MIA2: variants seen among roughly 807,000 people sequenced by gnomAD.
The protein encoded by MIA2 is melanoma inhibitory activity protein 2.
MIA2 carries 127 observed loss-of-function variants against 167.8 expected under a neutral mutation model. That is an observed-to-expected ratio of 0.76 (90% CI 0.66 to 0.88). The LOEUF (loss-of-function observed/expected upper bound fraction) is 0.88, where lower values mean the gene tolerates loss of function less well. Among genes scored for constraint, MIA2 ranks in the 40% least tolerant of loss-of-function variants. The pLI is 0.00. For missense variants in MIA2, 1,690 were observed against 1,624.7 expected (o/e 1.04, Z -0.69); for synonymous variants, 552 against 541.9 (o/e 1.02, Z -0.26).
rs2058062848 is a variant in MIA2, at chr14:39,276,776, T to C, written c.1888-158T>C. 5 of 665,098 alleles carry C rather than the reference T, an allele frequency of 7.5e-6. No individual in the cohort carries two copies. In the Admixed American group the frequency reaches 1.5e-4, roughly 20 times the overall value. The allele number at this position is 665,098 out of a possible 1,614,324, so 41.2% of individuals were successfully genotyped here. ...ACTGCTGTTCTTTACTTGGCGATAG[T>C]GATTGAAAGTTGACAAAAAAATGTA... On this transcript the variant is annotated intron_variant, in intron 6 of 28. Transcript: ENST00000640607.
intron 6 of MIA2, chr14:39,267,138 C>T: frequency 8.7e-7 from 1 of 1,152,994 alleles, no homozygotes; most frequent in Non-Finnish European, 1.1e-6. Context: ...TCCCCGCCTT[C>T]TCGCGGCTGC....
chr14:39,267,228 G>C, intron 6 of MIA2: 1 of 1,360,208 alleles, frequency 7.4e-7, no homozygotes, highest in East Asian at 3.0e-5. Context: ...TCGGACCTGC[G>C]CTGCCTCGGG....
intron 7 of MIA2, among the ~76,000 whole-genome samples, chr14:39,278,040 C>T (rs1226485783): frequency 6.6e-6 from 1 of 151,780 alleles, no homozygotes; most frequent in East Asian, 1.9e-4. Context: ...GTGGCATGAT[C>T]TCGGCTCACT....
At chr14:39,308,670 A>T in intron 18 of MIA2, 83 bp downstream of exon 18, 1 of 1,104,136 alleles carries the variant, frequency 9.1e-7, no homozygotes, top group Admixed American at 2.9e-5. Flanking sequence ...TATAGTGATT[A>T]TTGAAAGTTC....
In MIA2 at chr14:39,299,918, A is replaced by G. The variant is rs34761053; in HGVS notation, c.2551A>G (p.Lys851Glu). 1.2e-6 allele frequency: 2 copies of G among 1,609,712 alleles called. No homozygotes were observed. Among genetic ancestry groups the G allele is most frequent in the South Asian group, 2.2e-5 (2 of 89,944 alleles). Residue 851 changes from lysine (K) to glutamate (E), a missense_variant, in exon 14 of 29, where the codon AAA becomes GAA. Lys to Glu is a moderately conservative substitution (Grantham distance 56). Transcript: ENST00000640607. The part of the protein sequence containing the change: ...KEQVSELNKQ[K>E]VTFEDSKVHA... ...ACAAGTGAGTGAACTTAATAAACAG[A>G]AAGTAACATTTGAAGACTCCAAAGT...
intron 6 of MIA2, chr14:39,267,362 AT>A (rs1443043072): frequency 1.3e-6 from 2 of 1,585,828 alleles, no homozygotes; most frequent in Non-Finnish European, 1.7e-6. Context: ...CCGGGTGCGG[AT>A]TCGGGTTCCG....
Position 39,308,494 on chromosome 14 carries a change from A to G in MIA2, c.2924A>G (p.Glu975Gly). Residue 975 changes from glutamate to glycine, a missense_variant, in exon 18 of 29, where the codon GAA becomes GGA. By Grantham distance (98) the Glu-to-Gly change is moderately conservative. Coordinates refer to ENST00000640607, the MANE Select transcript of MIA2 (RefSeq NM_001329214.4). The part of the protein sequence containing the change: ...LQTEQASLQS[E>G]NTHFENENQK... ...ACTGAACAAGCATCTTTGCAGTCAG[A>G]AAACACACATTTTGAAAATGAGAAT... 6.4e-7 allele frequency: 1 copy of G among 1,573,564 alleles called. No individual in the cohort carries two copies.
At chr14:39,332,813 CGCCT>C (rs1292090767) in intron 25 of MIA2, among the ~76,000 whole-genome samples, 1 of 152,078 alleles carries the variant, frequency 6.6e-6, no homozygotes, top group Admixed American at 6.6e-5. Flanking sequence ...AGACATCACC[CGCCT>C]TCTGCTTTGG....
At chr14:39,321,192 T>C in intron 24 of MIA2, 136 bp downstream of exon 24, 1 of 799,024 alleles carries the variant, frequency 1.3e-6, no homozygotes, top group African/African-American at 1.8e-5. Flanking sequence ...ATAACTTTTA[T>C]TTGGAAAAGG....
In MIA2 at chr14:39,386,242, A is replaced by G; in HGVS notation, c.2249-643A>G. 4 of 1,428,078 alleles carry G rather than the reference A, an allele frequency of 2.8e-6. No homozygotes were observed. In the Admixed American group the frequency reaches 5.0e-5, roughly 18 times the overall value. 88.5% of individuals were successfully genotyped at this position (1,428,078 alleles called of 1,614,324 possible). A position where few individuals can be genotyped will look rare whatever the true frequency, so the allele number is the denominator to read the frequency against. ...GTTTGTCTGCAGTTGTATTTTTGGT[A>G]GAGGGTCCTTCCTTTGATAACTCAG... On this transcript the variant is annotated intron_variant, in intron 23 of 23. Transcript: ENST00000341502.
intron 24 of MIA2, among the ~76,000 whole-genome samples, chr14:39,325,154 CG>C (rs1358580867): frequency 3.3e-5 from 5 of 151,662 alleles, no homozygotes; most frequent in Non-Finnish European, 5.9e-5. Flanking sequence ...GCCTAGGAGG[CG>C]GAGGTTGCAG....
chr14:39,345,721 A>C (rs1264867546), intron 25 of MIA2, among the ~76,000 whole-genome samples, 183 bp from the exon 26 acceptor site: 1 of 152,212 alleles, frequency 6.6e-6, no homozygotes, highest in Non-Finnish European at 1.5e-5. Context: ...TGTGTTTACT[A>C]TAAAGGTTAT....
At chr14:39,287,539 CATT>C (rs1208809098) in intron 9 of MIA2, among the ~76,000 whole-genome samples, 1 of 150,750 alleles carries the variant, frequency 6.6e-6, no homozygotes, top group Non-Finnish European at 1.5e-5. Context: ...TATTTTTTTT[CATT>C]ATTTTAAAAA....
chr14:39,376,579 CTAAG>C (rs2075050389), intron 23 of MIA2, among the ~76,000 whole-genome samples: 1 of 152,052 alleles, frequency 6.6e-6, no homozygotes, highest in African/African-American at 2.4e-5. Flanking sequence ...TAAAGGTGAA[CTAAG>C]TATTTAGGAA....
chr14:39,346,507 A>C (rs1370485148), intron 26 of MIA2, among the ~76,000 whole-genome samples: 1 of 152,118 alleles, frequency 6.6e-6, no homozygotes, highest in Non-Finnish European at 1.5e-5. Flanking sequence ...CTTTTACTTA[A>C]ACTACCTCAT....
At chr14:39,349,119 T>C (rs1214301857) in intron 28 of MIA2, 142 bp downstream of exon 28, 9 of 1,133,976 alleles carry the variant, frequency 7.9e-6, no homozygotes, top group African/African-American at 1.6e-5. Context: ...CTCATTACTT[T>C]TCCGAATTGG....
rs567277819 is a variant in MIA2, at chr14:39,293,332, A to G, written c.2270A>G (p.Glu757Gly). The change falls in exon 11 of 29, where the codon GAA becomes GGA. Residue 757 changes from glutamate (E) to glycine (G), a missense_variant. Transcript: ENST00000640607. Reference sequence around the variant, plus strand: ...CTTGAGGATGAAATACTCTGTCTAGAAAAAGAGTTAAAAGAAGAGAAATCC... The same window carrying G: ...CTTGAGGATGAAATACTCTGTCTAGGAAAAGAGTTAAAAGAAGAGAAATCC... The part of the protein sequence containing the change: ...SELEDEILCL[E>G]KELKEEKSKH... 6.2e-7 allele frequency: 1 copy of G among 1,611,544 alleles called. No homozygotes were observed. The highest frequency in any genetic ancestry group is 2.2e-5 in the East Asian group (1 of 44,730).
At position 39,314,810 on chromosome 14, in the gene MIA2, A is replaced by ATATGTGTGTGTGTG. The variant is rs1555390607; in HGVS notation, c.3180+12_3180+13insATGTGTGTGTGTGT. 393 of 1,065,998 alleles carry ATATGTGTGTGTGTG rather than the reference A, an allele frequency of 3.7e-4. No homozygotes were observed. The African/African-American group carries it at 5.8e-3, about 16-fold the overall frequency. The allele number at this position is 1,065,998 out of a possible 1,614,324, so 66.0% of individuals were successfully genotyped here. On this transcript the variant is annotated intron_variant, in intron 20 of 28. Coordinates refer to ENST00000640607, the MANE Select transcript of MIA2 (RefSeq NM_001329214.4). Reference sequence around the variant, plus strand: ...TCTTATCAAGGGCAGGTATATATATATGTGTGTGTGTGTGTGTGTGTGTGT... The same window carrying ATATGTGTGTGTGTG: ...TCTTATCAAGGGCAGGTATATATATATATGTGTGTGTGTGTGTGTGTGTGTGTGTGTGTGTGTGT...
downstream of MIA2, among the ~76,000 whole-genome samples, chr14:39,352,064 T>C (rs893800153): frequency 6.6e-6 from 1 of 152,192 alleles, no homozygotes; most frequent in African/African-American, 2.4e-5. Context: ...ACATTTAGTT[T>C]GCTTTATACT....
Sources: allele counts gnomAD v4.1 joint callset (sites outside exome capture counted in the v4.1 genomes callset), GRCh38; gene constraint gnomAD v4.1.1; transcripts MANE v1.5; gene names NCBI Gene and HGNC (gene_info 2026-07-23, HGNC 2026-07-21).